Variants in SWI5 observed in about 807,000 individuals in gnomAD.
SWI5 encodes SWI5 homologous recombination repair protein, also known as DNA repair protein SWI5 homolog.
In SWI5, 12 loss-of-function variants were observed where a neutral mutation model predicts 17.0. That is an observed-to-expected ratio of 0.71 (90% CI 0.45 to 1.14). The LOEUF is 1.14. Among genes scored for constraint, SWI5 ranks in the 50% most tolerant of loss-of-function variants. The pLI is 0.00. For synonymous variants in SWI5, 61 were observed against 64.0 expected, an observed-to-expected ratio of 0.95 and a Z score of 0.22; for missense variants, 158 against 162.2, an observed-to-expected ratio of 0.97 and a Z score of 0.14.
At chr9:128,278,306 C>T (rs571804619) in intron 2 of SWI5, among the ~76,000 whole-genome samples, 26 of 152,082 alleles carry the variant, frequency 1.7e-4, no homozygotes, top group African/African-American at 6.0e-4. Context: ...CAGTGACTCA[C>T]GCCTATAATC....
intron 2 of SWI5, chr9:128,278,626 C>T (rs954496226): frequency 8.5e-5 from 40 of 471,258 alleles, no homozygotes; most frequent in Non-Finnish European, 1.5e-4. Context: ...CATGCATCAT[C>T]TTTCCAGTTC....
chr9:128,283,911 T>G (rs1406158693), intron 2 of SWI5, among the ~76,000 whole-genome samples: 1 of 151,410 alleles, frequency 6.6e-6, no homozygotes, highest in East Asian at 1.9e-4. Flanking sequence ...ATGGATCACC[T>G]AAGCCCAGGA....
chr9:128,275,439 G>A (rs1020860356), upstream of SWI5: 2 of 1,303,800 alleles, frequency 1.5e-6, no homozygotes, highest in African/African-American at 1.5e-5. Context: ...CCAGGACCCA[G>A]GTCCTTGGAG....
At chr9:128,284,412 A>C in intron 2 of SWI5, 98 bp from the exon 3 acceptor site, 1 of 1,466,528 alleles carries the variant, frequency 6.8e-7, no homozygotes, top group South Asian at 1.3e-5. Context: ...TAGGGTGCCT[A>C]TTAGCAAGCA....
At chr9:128,284,384 C>A in intron 2 of SWI5, 126 bp from the exon 3 acceptor site, 1 of 1,076,088 alleles carries the variant, frequency 9.3e-7, no homozygotes, top group Non-Finnish European at 1.3e-6. Flanking sequence ...CTTGGAAATG[C>A]AGTCTTATTG....
exon 1 of SWI5, chr9:128,276,380 C>T: frequency 4.3e-6 from 7 of 1,613,170 alleles, no homozygotes; most frequent in Non-Finnish European, 5.9e-6. Flanking sequence ...GATCCGGGGG[C>T]CTCGGACCCC....
Position 128,285,959 on chromosome 9 carries a change from T to TGGA in SWI5, c.258_260dup (p.Glu86dup). ...CCCAGAGGCTACAGTGTGGATGAAC[T>TGGA]GGAGGACCACATTACCCAGCTTCAC... On this transcript the variant is annotated inframe_insertion, in exon 4 of 5. Coordinates refer to ENST00000418976, the Ensembl canonical transcript of SWI5. The surrounding 1 kb of genome is among the most constrained non-coding windows in gnomAD (Gnocchi z 4.8). 6.2e-7 allele frequency: 1 copy of TGGA among 1,614,088 alleles called. No homozygotes were observed. The highest frequency in any genetic ancestry group is 1.7e-5 in the Admixed American group (1 of 60,028).
At chr9:128,275,597 G>T, upstream of SWI5, 2 of 957,110 alleles carry the variant, frequency 2.1e-6, no homozygotes, top group East Asian at 3.3e-5. Flanking sequence ...CCTTGGAGAC[G>T]CCAGCCCAAA....
intron 2 of SWI5, 59 bp downstream of exon 2, chr9:128,276,814 C>A: frequency 6.6e-7 from 1 of 1,518,982 alleles, no homozygotes; most frequent in Non-Finnish European, 9.0e-7. Flanking sequence ...TGTGCGCTCC[C>A]GGCCCCACTC....
At chr9:128,276,498 C>T (rs1831382908) in intron 1 of SWI5, 96 bp downstream of exon 1, 2 of 1,575,666 alleles carry the variant, frequency 1.3e-6, no homozygotes, top group South Asian at 1.2e-5. Context: ...AGACTCCCAT[C>T]CAGTGCTCCA....
At chr9:128,276,838 C>A in intron 2 of SWI5, 83 bp downstream of exon 2, 4 of 1,400,692 alleles carry the variant, frequency 2.9e-6, no homozygotes, top group African/African-American at 1.4e-5. Context: ...ATCCCAACAG[C>A]AGCCAATCCC....
exon 1 of SWI5, chr9:128,276,333 C>G: frequency 6.2e-7 from 1 of 1,613,290 alleles, no homozygotes; most frequent in Non-Finnish European, 8.5e-7. Context: ...CGCTCTCCGA[C>G]TCCCGCGCTG....
At chr9:128,278,653 A>G (rs1831480240) in intron 2 of SWI5, 1 of 471,618 alleles carries the variant, frequency 2.1e-6, no homozygotes, top group Non-Finnish European at 4.4e-6. Flanking sequence ...GCAACCTTTG[A>G]GAAGACGCTT....
At chr9:128,276,505 T>G (rs1831383439) in intron 1 of SWI5, 103 bp downstream of exon 1, 1 of 1,573,978 alleles carries the variant, frequency 6.4e-7, no homozygotes, top group African/African-American at 1.4e-5. Flanking sequence ...CATCCAGTGC[T>G]CCAGACAACC....
exon 1 of SWI5, chr9:128,276,287 CG>C: frequency 6.2e-7 from 1 of 1,612,710 alleles, no homozygotes; most frequent in Non-Finnish European, 8.5e-7. Context: ...GTTCACACTC[CG>C]GGTCAGAGTT....
At chr9:128,284,131 A>G (rs1831590233) in intron 2 of SWI5, among the ~76,000 whole-genome samples, 1 of 151,616 alleles carries the variant, frequency 6.6e-6, no homozygotes, top group African/African-American at 2.4e-5. Context: ...CCCCATCTCT[A>G]CTAAAAAATT....
At chr9:128,282,960 T>C (rs533197488) in intron 2 of SWI5, among the ~76,000 whole-genome samples, 3 of 152,128 alleles carry the variant, frequency 2.0e-5, no homozygotes, top group Non-Finnish European at 4.4e-5. Flanking sequence ...GGCAGATCAC[T>C]TGAGGTCAGG....
intron 2 of SWI5, among the ~76,000 whole-genome samples, chr9:128,284,234 A>G (rs1444119593): frequency 6.7e-6 from 1 of 148,756 alleles, no homozygotes; most frequent in Non-Finnish European, 1.5e-5. Context: ...GGTTGCAGTG[A>G]GCCAAGATCA....
At chr9:128,284,397 G>T in intron 2 of SWI5, 113 bp from the exon 3 acceptor site, 1 of 1,271,196 alleles carries the variant, frequency 7.9e-7, no homozygotes, top group South Asian at 1.6e-5. Flanking sequence ...TCTTATTGAG[G>T]GGGTTAGGGT....
Sources: gnomAD v4.1 joint callset for allele counts (sites outside exome capture counted in the v4.1 genomes callset) on GRCh38, gnomAD v4.1.1 for gene constraint, Gnocchi (gnomAD v3.1) non-coding constraint, MANE v1.5 for transcripts, NCBI Gene and HGNC (gene_info 2026-07-23, HGNC 2026-07-21) for gene names.